MAF: variants seen among roughly 807,000 people sequenced by gnomAD.
MAF encodes transcription factor Maf.
MAF carries 10 observed loss-of-function variants against 22.0 expected under a neutral mutation model. That is an observed-to-expected ratio of 0.45 (90% CI 0.28 to 0.77). The LOEUF (loss-of-function observed/expected upper bound fraction) is 0.77. Among genes scored for constraint, MAF ranks in the 30% least tolerant of loss-of-function variants. The pLI is 0.12. For missense variants in MAF, 544 were observed against 548.4 expected (o/e 0.99, Z 0.08); for synonymous variants, 337 against 255.8 (o/e 1.32, Z -3.03).
At chr16:79,420,833 C>T in the MAF span, among the ~76,000 whole-genome samples, 1 of 152,162 alleles carries the variant, frequency 6.6e-6, no homozygotes, top group African/African-American at 2.4e-5. Flanking sequence ...AGTTCAAGAC[C>T]AGCCTGTCCA....
chr16:79,516,300 G>A, the MAF span: 1 of 152,178 alleles, frequency 6.6e-6, no homozygotes, highest in Non-Finnish European at 1.5e-5. Context: ...TAAAATTTAA[G>A]AGTTGTCACC....
At chr16:79,528,476 C>T in the MAF span, among the ~76,000 whole-genome samples, 1 of 152,036 alleles carries the variant, frequency 6.6e-6, no homozygotes, top group Admixed American at 6.5e-5. Flanking sequence ...TCATCCAAGC[C>T]AAGAAAAACT....
the MAF span, among the ~76,000 whole-genome samples, chr16:79,210,272 T>A: frequency 1.3e-5 from 2 of 152,178 alleles, no homozygotes; most frequent in African/African-American, 2.4e-5. Flanking sequence ...AAGTCTGCCT[T>A]ATGGCAGATT....
At chr16:79,210,411 C>G in the MAF span, among the ~76,000 whole-genome samples, 1 of 152,186 alleles carries the variant, frequency 6.6e-6, no homozygotes, top group African/African-American at 2.4e-5. Context: ...AGTAAGCACC[C>G]TGCATGGTCA....
At chr16:79,369,402 A>G in the MAF span, among the ~76,000 whole-genome samples, 1 of 152,212 alleles carries the variant, frequency 6.6e-6, no homozygotes, top group Non-Finnish European at 1.5e-5. Flanking sequence ...CTATTACATG[A>G]CACTATCTGC....
At chr16:79,410,942 C>T in the MAF span, among the ~76,000 whole-genome samples, 2 of 152,252 alleles carry the variant, frequency 1.3e-5, no homozygotes, top group South Asian at 2.1e-4. Flanking sequence ...GGAGGGGGGA[C>T]CTGACCTGAA....
chr16:79,357,733 G>A, the MAF span, among the ~76,000 whole-genome samples: 1 of 152,010 alleles, frequency 6.6e-6, no homozygotes, highest in Non-Finnish European at 1.5e-5. Flanking sequence ...GACTACTCAG[G>A]GAATAGCATT....
the MAF span, among the ~76,000 whole-genome samples, chr16:79,218,039 A>G: frequency 7.0e-6 from 1 of 142,578 alleles, no homozygotes; most frequent in Non-Finnish European, 1.5e-5. Context: ...AAATAGCAAT[A>G]CCCTGTCTAT....
chr16:79,288,960 C>T, the MAF span, among the ~76,000 whole-genome samples: 1 of 152,178 alleles, frequency 6.6e-6, no homozygotes, highest in African/African-American at 2.4e-5. Context: ...AAACTCCTAA[C>T]CTCAGGTGAT....
At chr16:79,231,154 G>C in the MAF span, among the ~76,000 whole-genome samples, 1 of 152,014 alleles carries the variant, frequency 6.6e-6, no homozygotes, top group African/African-American at 2.4e-5. Context: ...GTCTCCACCT[G>C]GATGTGAAAT....
chr16:79,575,968 C>G, the MAF span, among the ~76,000 whole-genome samples: 1 of 151,962 alleles, frequency 6.6e-6, no homozygotes, highest in Admixed American at 6.6e-5. Flanking sequence ...AAACCGGGGT[C>G]CTGAAATCCC....
At chr16:79,502,708 A>ATATAAATATAT in the MAF span, among the ~76,000 whole-genome samples, 2 of 34,006 alleles carry the variant, frequency 5.9e-5, no homozygotes, top group African/African-American at 1.8e-4. Flanking sequence ...TATAAATATA[A>ATATAAATATAT]ATATATATAT....
the MAF span, among the ~76,000 whole-genome samples, chr16:79,250,993 T>C: frequency 6.6e-6 from 1 of 152,218 alleles, no homozygotes; most frequent in East Asian, 1.9e-4. Flanking sequence ...AACAGTGAGT[T>C]GTTAAGTGCT....
At chr16:79,393,707 C>T in the MAF span, among the ~76,000 whole-genome samples, 1 of 152,152 alleles carries the variant, frequency 6.6e-6, no homozygotes, top group South Asian at 2.1e-4. Flanking sequence ...GACATCGATG[C>T]TTGGCTAGCC....
At chr16:79,204,569 C>G in the MAF span, 2 of 152,146 alleles carry the variant, frequency 1.3e-5, no homozygotes, top group Non-Finnish European at 2.9e-5. Flanking sequence ...GGCAAGAATT[C>G]TGGAACACGA....
chr16:79,547,640 T>C, the MAF span, among the ~76,000 whole-genome samples: 1 of 152,238 alleles, frequency 6.6e-6, no homozygotes, highest in African/African-American at 2.4e-5. Flanking sequence ...GGAATTGATG[T>C]AACCCAATTC....
chr16:79,236,457 C>T, the MAF span, among the ~76,000 whole-genome samples: 3 of 152,212 alleles, frequency 2.0e-5, no homozygotes, highest in Middle Eastern at 3.4e-3. Flanking sequence ...CCACAGAATC[C>T]TGCACCTGCT....
the MAF span, among the ~76,000 whole-genome samples, chr16:79,367,801 T>C: frequency 2.6e-5 from 4 of 152,214 alleles, no homozygotes; most frequent in Non-Finnish European, 2.9e-5. Flanking sequence ...GCCTAGTACA[T>C]TGTAGGCACT....
the MAF span, among the ~76,000 whole-genome samples, chr16:79,446,872 T>C: frequency 1.3e-5 from 2 of 151,860 alleles, no homozygotes; most frequent in South Asian, 4.2e-4. Context: ...GCTATGATCG[T>C]GCCACTGCAC....
Sources: gnomAD v4.1 joint callset for allele counts (sites outside exome capture counted in the v4.1 genomes callset) on GRCh38, gnomAD v4.1.1 for gene constraint, MANE v1.5 for transcripts, NCBI Gene and HGNC (gene_info 2026-07-23, HGNC 2026-07-21) for gene names.